The following ZNF33A variants were observed in gnomAD, a reference collection of about 807,000 sequenced individuals.
ZNF33A encodes brain my041 protein.
ZNF33A carries 9 observed loss-of-function variants against 15.9 expected under a neutral mutation model. The observed-to-expected ratio is 0.57, with a 90% confidence interval of 0.34 to 0.99. The LOEUF is 0.99. Among genes scored for constraint, ZNF33A ranks in the 50% least tolerant of loss-of-function variants. The pLI is 0.02. For synonymous variants in ZNF33A, 294 were observed against 324.2 expected (o/e 0.91, Z 1.00); for missense variants, 843 against 941.6 (o/e 0.90, Z 1.37).
At chr10:38,029,861 A>G (rs2065138001) in intron 4 of ZNF33A, among the ~76,000 whole-genome samples, 2 of 152,182 alleles carry the variant, frequency 1.3e-5, no homozygotes, top group Non-Finnish European at 2.9e-5. Context: ...GGAAACGGAT[A>G]TCATTAGGTG....
chr10:38,026,348 T>C (rs2064988124), intron 4 of ZNF33A, among the ~76,000 whole-genome samples: 1 of 152,054 alleles, frequency 6.6e-6, no homozygotes, highest in African/African-American at 2.4e-5. Flanking sequence ...AGATAATTTG[T>C]TTTTGAAACA....
At chr10:38,020,302 G>T (rs1309491293) in intron 4 of ZNF33A, among the ~76,000 whole-genome samples, 1 of 152,064 alleles carries the variant, frequency 6.6e-6, no homozygotes, top group Admixed American at 6.5e-5. Context: ...GGCATGCAAT[G>T]TGTAATAATC....
chr10:38,051,214 T>A (rs2066185519), intron 4 of ZNF33A, among the ~76,000 whole-genome samples: 2 of 152,214 alleles, frequency 1.3e-5, no homozygotes, highest in Non-Finnish European at 2.9e-5. Flanking sequence ...TGTATAAATT[T>A]ACATGTAAAA....
At chr10:38,010,961 G>A (rs1036263367) in intron 1 of ZNF33A, among the ~76,000 whole-genome samples, 178 bp downstream of exon 1, 2 of 152,204 alleles carry the variant, frequency 1.3e-5, no homozygotes, top group Non-Finnish European at 2.9e-5. Flanking sequence ...TCAAAGGCGC[G>A]GCCTCTGTAC....
At position 38,022,050 on chromosome 10, in the gene ZNF33A, A is replaced by C. The variant is rs139783924; in HGVS notation, c.250+4664A>C. Among the ~76,000 whole-genome samples, 1,236 of 152,316 alleles carry C rather than the reference A, an allele frequency of 8.1e-3. 19 individuals are homozygous for C. Among genetic ancestry groups the C allele is most frequent in the African/African-American group, 0.028 (1,172 of 41,576 alleles). ...GACAGTAGACAAGACGATAGGTTGC[A>C]AACCCATAATTGACTTTCTACCTTA... On this transcript the variant is annotated intron_variant, in intron 4 of 4. Coordinates refer to ENST00000432900, the MANE Select transcript of ZNF33A (RefSeq NM_006954.2).
rs2064475509 is a variant in ZNF33A at position 38,016,932 on chromosome 10, A to C, written c.71A>C (p.Glu24Ala). The change falls in exon 3 of 5, where the codon GAG becomes GCG. Residue 24 changes from glutamate to alanine, a missense_variant. Coordinates refer to ENST00000432900, the MANE Select transcript of ZNF33A (RefSeq NM_006954.2). ...FKDVTVGFTQ[E>A]EWQHLDPSQR... ...GATGTGACTGTGGGCTTCACCCAGG[A>C]GGAGTGGCAGCACCTGGACCCTAGT... 1 of 1,614,056 alleles carries C rather than the reference A, an allele frequency of 6.2e-7. No individual in the cohort carries two copies. The highest frequency in any genetic ancestry group is 1.1e-5 in the South Asian group (1 of 91,066).
At chr10:38,018,919 T>C (rs2064596317) in intron 4 of ZNF33A, among the ~76,000 whole-genome samples, 1 of 152,154 alleles carries the variant, frequency 6.6e-6, no homozygotes. Context: ...AATTAAATTT[T>C]TGAAAACCAA....
intron 1 of ZNF33A, among the ~76,000 whole-genome samples, chr10:38,011,360 G>T (rs1296510054): frequency 6.6e-6 from 1 of 152,136 alleles, no homozygotes; most frequent in Non-Finnish European, 1.5e-5. Context: ...CGAGGCGGGT[G>T]GATCACCTGA....
downstream of ZNF33A, chr10:38,064,564 T>C (rs756073431): frequency 8.4e-5 from 13 of 154,872 alleles, no homozygotes; most frequent in Non-Finnish European, 1.9e-4. Context: ...ATCACTTCCT[T>C]CTCTCTCCCA....
chr10:38,062,779 GGA>G (rs144213697), downstream of ZNF33A, among the ~76,000 whole-genome samples: 1,893 of 152,054 alleles, frequency 0.012, 26 homozygotes, highest in Middle Eastern at 0.048. Flanking sequence ...CGAGGTGGGC[GGA>G]TCACGAGGTC....
At chr10:38,063,320 A>C (rs1430983202), downstream of ZNF33A, among the ~76,000 whole-genome samples, 1 of 152,190 alleles carries the variant, frequency 6.6e-6, no homozygotes, top group East Asian at 1.9e-4. Context: ...GTGGAAGCAG[A>C]CATAGCTTGG....
Position 38,014,340 on chromosome 10 carries a change from A to G in ZNF33A, c.9+1990A>G, listed in dbSNP as rs1230895922. On this transcript the variant is annotated intron_variant, in intron 2 of 4. Coordinates refer to ENST00000432900, the MANE Select transcript of ZNF33A (RefSeq NM_006954.2). ...TGTGAGCCACCGTGCCTGGCCAAAT[A>G]TTTAATGTCTGATTTTTTACAGAAG... 3.3e-5 allele frequency among the ~76,000 whole-genome samples: 5 copies of G among 152,080 alleles called. No individual in the cohort carries two copies. The East Asian group carries it at 9.6e-4, about 29-fold the overall frequency.
At position 38,056,684 on chromosome 10, in the gene ZNF33A, C is replaced by A. The variant is rs1261669782; in HGVS notation, c.*124C>A. On this transcript the variant is annotated 3_prime_UTR_variant, in exon 5 of 5. Coordinates refer to ENST00000432900, the MANE Select transcript of ZNF33A (RefSeq NM_006954.2). ...TCTATGTAATATCAGATGGTTAATA[C>A]GGGCATAACACCTTACAGATTTTTT... 1.5e-6 allele frequency: 2 copies of A among 1,360,720 alleles called. No homozygotes were observed. The highest frequency in any genetic ancestry group is 1.9e-6 in the Non-Finnish European group (2 of 1,059,700). 84.3% of individuals were successfully genotyped at this position (1,360,720 alleles called of 1,614,324 possible).
At chr10:38,014,461 T>A (rs2064352450) in intron 2 of ZNF33A, among the ~76,000 whole-genome samples, 1 of 152,242 alleles carries the variant, frequency 6.6e-6, no homozygotes, top group Non-Finnish European at 1.5e-5. Flanking sequence ...ATGAAGATAC[T>A]CTTGTTACCT....
In ZNF33A at chr10:38,059,996, A is replaced by C; in HGVS notation, c.*3436A>C. 1.1e-6 allele frequency: 1 copy of C among 942,082 alleles called. No individual in the cohort carries two copies. Among genetic ancestry groups the C allele is most frequent in the Non-Finnish European group, 1.3e-6 (1 of 790,444 alleles). The allele number at this position is 942,082 out of a possible 1,614,324, so 58.4% of individuals were successfully genotyped here. On this transcript the variant is annotated 3_prime_UTR_variant, in exon 5 of 5. Transcript: ENST00000432900. The stretch of plus-strand genomic sequence containing the variant: ...CTATACTTTTTGCTCAACTTTCTGT[A>C]ACCCTAAAGCTACTCTAAAAAATGA...
At chr10:38,062,605 G>T (rs2505223), downstream of ZNF33A, among the ~76,000 whole-genome samples, 9 of 152,272 alleles carry the variant, frequency 5.9e-5, no homozygotes, top group African/African-American at 1.9e-4. Flanking sequence ...CCAGTTAATA[G>T]AATCAATCTG....
intron 4 of ZNF33A, among the ~76,000 whole-genome samples, chr10:38,053,984 A>G (rs1351353297): frequency 6.6e-6 from 1 of 152,126 alleles, no homozygotes; most frequent in African/African-American, 2.4e-5. Flanking sequence ...AATATTCTCC[A>G]TCTCCTAGTT....
At chr10:38,052,780 A>G (rs1159769407) in intron 4 of ZNF33A, among the ~76,000 whole-genome samples, 2 of 151,984 alleles carry the variant, frequency 1.3e-5, no homozygotes, top group Non-Finnish European at 2.9e-5. Flanking sequence ...TTTTTCTTCA[A>G]TTTTCACATC....
chr10:38,043,509 T>TAA (rs150377453), intron 4 of ZNF33A, among the ~76,000 whole-genome samples: 12 of 149,432 alleles, frequency 8.0e-5, no homozygotes, highest in South Asian at 2.1e-4. Context: ...ATAATAAAAT[T>TAA]AAAAAAAAAA....
Sources: gnomAD v4.1 joint callset for allele counts (sites outside exome capture counted in the v4.1 genomes callset) on GRCh38, gnomAD v4.1.1 for gene constraint, MANE v1.5 for transcripts, NCBI Gene and HGNC (gene_info 2026-07-23, HGNC 2026-07-21) for gene names.